Variants in KANK1 observed in about 807,000 individuals in gnomAD.
The protein encoded by KANK1 is KN motif and ankyrin repeat domains 1.
Under a neutral mutation model 106.2 loss-of-function variants are expected in KANK1, and 109 were observed. The ratio of observed to expected loss-of-function variants is 1.03; its 90% confidence interval spans 0.88 to 1.20. The LOEUF (loss-of-function observed/expected upper bound fraction) is 1.20, where lower values mean the gene tolerates loss of function less well. Among genes scored for constraint, KANK1 ranks in the 50% most tolerant of loss-of-function variants. The pLI is 0.00. For synonymous variants in KANK1, 873 were observed against 652.2 expected, an observed-to-expected ratio of 1.34 and a Z score of -5.16; for missense variants, 2,399 against 1,710.7, an observed-to-expected ratio of 1.40 and a Z score of -7.10.
At chr9:536,197 C>G (rs1046479952) in intron 1 of KANK1, among the ~76,000 whole-genome samples, 1 of 151,968 alleles carries the variant, frequency 6.6e-6, no homozygotes, top group Non-Finnish European at 1.5e-5. Flanking sequence ...AAAAAATAGC[C>G]AGACATGGTG....
At chr9:535,256 C>T (rs1471978891) in intron 1 of KANK1, among the ~76,000 whole-genome samples, 1 of 152,178 alleles carries the variant, frequency 6.6e-6, no homozygotes, top group African/African-American at 2.4e-5. Flanking sequence ...GTCCCCAAAC[C>T]TTGCCTTTGA....
Position 505,370 on chromosome 9 carries a change from G to T in KANK1, c.-84+616G>T, listed in dbSNP as rs1001381491. Among the ~76,000 whole-genome samples, 14 of 152,158 alleles carry T rather than the reference G, an allele frequency of 9.2e-5. No homozygotes were observed. The East Asian group carries it at 2.4e-3, about 26-fold the overall frequency. ...GGGGAGGCGGGGGAGGGGCGTGGGC[G>T]CTGCGGCCTCTGGGGCGGCCCAACC... On this transcript the variant is annotated intron_variant, in intron 1 of 11. Coordinates refer to ENST00000382297, the MANE Select transcript of KANK1 (RefSeq NM_015158.5).
chr9:744,174 C>T (rs1836536249), intron 10 of KANK1, among the ~76,000 whole-genome samples: 1 of 137,704 alleles, frequency 7.3e-6, no homozygotes, highest in Admixed American at 7.3e-5. Flanking sequence ...TGCTGCTTGC[C>T]TGGTCATTCA....
intron 3 of KANK1, among the ~76,000 whole-genome samples, chr9:723,763 A>G (rs1829966798): frequency 6.6e-6 from 1 of 152,142 alleles, no homozygotes; most frequent in South Asian, 2.1e-4. Flanking sequence ...CATGACTGGA[A>G]TTCTGATGCA....
At chr9:486,756 C>T (rs564322502) in intron 3 of KANK1, among the ~76,000 whole-genome samples, 48 of 152,152 alleles carry the variant, frequency 3.2e-4, no homozygotes, top group Non-Finnish European at 5.4e-4. Flanking sequence ...AAGCAAAAAC[C>T]TCAAATATTT....
intron 1 of KANK1, among the ~76,000 whole-genome samples, chr9:559,135 G>C (rs1378772938): frequency 6.6e-6 from 1 of 152,116 alleles, no homozygotes; most frequent in African/African-American, 2.4e-5. Flanking sequence ...GAGCTTGATA[G>C]GCATTGAGTG....
rs78831105 is a variant in KANK1, at chr9:618,835, A to G, written c.-83-58055A>G. Among the ~76,000 whole-genome samples the G allele has an allele frequency of 3.1e-3, 477 of 152,300 alleles. 1 individual carries two copies. The highest frequency in any genetic ancestry group is 0.011 in the African/African-American group (460 of 41,560). ...TTTCTCCTCTCATCGCTGACATTTA[A>G]TACCTGTCTTGAGGCAAAATTGTCT... On this transcript the variant is annotated intron_variant, in intron 1 of 11. Coordinates refer to ENST00000382297, the MANE Select transcript of KANK1 (RefSeq NM_015158.5).
intron 2 of KANK1, among the ~76,000 whole-genome samples, chr9:472,397 A>T (rs1165513064): frequency 6.6e-6 from 1 of 152,320 alleles, no homozygotes. Flanking sequence ...TTGTGAGGTC[A>T]CTTGGGGAGG....
intron 3 of KANK1, chr9:495,701 T>C (rs6476918): frequency 0.23 from 35,080 of 152,104 alleles, 8,886 homozygotes; most frequent in African/African-American, 0.64. Context: ...CCGCAATGCC[T>C]TGCCTCCCTT....
chr9:736,155 TC>T (rs1653955902), intron 7 of KANK1, among the ~76,000 whole-genome samples: 1 of 152,138 alleles, frequency 6.6e-6, no homozygotes, highest in South Asian at 2.1e-4. Flanking sequence ...AGACCGGGTT[TC>T]ACCGTGTTAG....
At chr9:686,821 A>G (rs1025750288) in intron 2 of KANK1, 27 of 985,218 alleles carry the variant, frequency 2.7e-5, no homozygotes, top group Admixed American at 6.1e-5. Flanking sequence ...GGAACATGCT[A>G]GGATGTTACT....
intron 1 of KANK1, among the ~76,000 whole-genome samples, chr9:594,460 A>C (rs1215917612): frequency 6.6e-6 from 1 of 151,902 alleles, no homozygotes; most frequent in East Asian, 1.9e-4. Flanking sequence ...TGTAGGAGTT[A>C]TGATTTCTTT....
intron 1 of KANK1, among the ~76,000 whole-genome samples, chr9:631,163 C>A (rs1835643298): frequency 6.6e-6 from 1 of 152,098 alleles, no homozygotes; most frequent in African/African-American, 2.4e-5. Context: ...TTCCTTACTC[C>A]TTTGCCTTTG....
At chr9:552,542 C>T (rs190032041) in intron 1 of KANK1, among the ~76,000 whole-genome samples, 27 of 152,204 alleles carry the variant, frequency 1.8e-4, no homozygotes, top group Admixed American at 9.8e-4. Context: ...TTTAATATGA[C>T]GTTATTAGCT....
Position 573,129 on chromosome 9 carries a change from C to T in KANK1, c.-84+68375C>T, listed in dbSNP as rs370041536. Among the ~76,000 whole-genome samples the T allele has an allele frequency of 4.6e-5, 7 of 152,116 alleles. 1 individual carries two copies. Among genetic ancestry groups the T allele is most frequent in the Admixed American group, 6.5e-5 (1 of 15,274 alleles). Reference sequence around the variant, plus strand: ...TGCTGCTGCAGTCAGTCAAGTGCTGCGTGAGTTGATGTCATTACCAAAGGA... The same window carrying T: ...TGCTGCTGCAGTCAGTCAAGTGCTGTGTGAGTTGATGTCATTACCAAAGGA... On this transcript the variant is annotated intron_variant, in intron 1 of 11. Transcript: ENST00000382297.
intron 2 of KANK1, 72 bp from the exon 3 acceptor site, chr9:710,732 C>T (rs1482452148): frequency 1.1e-5 from 15 of 1,409,732 alleles, no homozygotes; most frequent in Non-Finnish European, 1.4e-5. Context: ...TGTACTGCAA[C>T]AAACACAAAT....
chr9:666,076 G>A (rs563291325), intron 1 of KANK1, among the ~76,000 whole-genome samples: 1 of 151,850 alleles, frequency 6.6e-6, no homozygotes, highest in South Asian at 2.1e-4. Flanking sequence ...AGCTACTTGG[G>A]AGGCTGAAGT....
chr9:484,146 T>C (rs963480414), intron 3 of KANK1: 3 of 152,152 alleles, frequency 2.0e-5, no homozygotes, highest in Non-Finnish European at 4.4e-5. Context: ...TCCCCTTCCA[T>C]TGGAAGCCAG....
At chr9:602,030 AG>A (rs1389589487) in intron 1 of KANK1, among the ~76,000 whole-genome samples, 3 of 151,906 alleles carry the variant, frequency 2.0e-5, no homozygotes, top group Non-Finnish European at 4.4e-5. Context: ...CTAGGTAGTC[AG>A]TCACTTTGAT....
Sources: allele counts gnomAD v4.1 joint callset (sites outside exome capture counted in the v4.1 genomes callset), GRCh38; gene constraint gnomAD v4.1.1; transcripts MANE v1.5; gene names NCBI Gene and HGNC (gene_info 2026-07-23, HGNC 2026-07-21).